The following ACSL1 variants were observed in gnomAD, a reference collection of about 807,000 sequenced individuals.
ACSL1 encodes long-chain-fatty-acid--CoA ligase 1.
ACSL1 carries 41 observed loss-of-function variants against 98.4 expected under a neutral mutation model. The ratio of observed to expected loss-of-function variants is 0.42; its 90% CI spans 0.32 to 0.54. ACSL1 has a LOEUF of 0.54. Ranked by LOEUF, ACSL1 falls within the 20% of genes least tolerant of loss-of-function variation. The pLI is 0.13. For synonymous variants in ACSL1, 316 were observed against 322.7 expected, an observed-to-expected ratio of 0.98 and a Z score of 0.22; for missense variants, 734 against 883.1, an observed-to-expected ratio of 0.83 and a Z score of 2.14.
At chr4:184,781,217 G>A (rs1459506130) in intron 4 of ACSL1, among the ~76,000 whole-genome samples, 4 of 116,110 alleles carry the variant, frequency 3.4e-5, no homozygotes, top group South Asian at 3.0e-4. Flanking sequence ...GGTGACAGGC[G>A]AGACTCCATC....
chr4:184,757,246 T>G lies in ACSL1; in HGVS notation c.1976A>C (p.His659Pro). ...PFEQVKGITL[H>P]PELFSIDNGL... ...ATTGTCGATAGAAAATAATTCAGGG[T>G]GCAATGTGATGCCTTTGACCTGCCA... The change falls in exon 21 of 21, where the codon CAC becomes CCC. Residue 659 changes from histidine to proline, a missense_variant. Physicochemically the swap from His to Pro is moderately conservative, Grantham distance 77. Coordinates refer to ENST00000281455, the MANE Select transcript of ACSL1 (RefSeq NM_001995.5). The surrounding 1 kb of genome is among the most constrained non-coding windows in gnomAD (Gnocchi z 4.5). The G allele has an allele frequency of 6.2e-7, 1 of 1,600,206 alleles. No individual in the cohort carries two copies. The highest frequency in any genetic ancestry group is 8.6e-7 in the Non-Finnish European group (1 of 1,168,996).
chr4:184,812,022 G>A (rs887605421), intron 1 of ACSL1: 9 of 268,428 alleles, frequency 3.4e-5, no homozygotes, highest in Non-Finnish European at 5.2e-5. Flanking sequence ...TCATGTGGGA[G>A]GAGGCGGCGG....
rs1763112670 is a variant in ACSL1 at position 184,763,258 on chromosome 4, G to A, written c.1433-3C>T. ...CGGCATCGGGGCCCCAACATGGCCT[G>A]TATATTAAATAAGCAAATGGTCATT... On this transcript the variant is annotated splice_region_variant and splice_polypyrimidine_tract_variant and intron_variant, in intron 15 of 20. Coordinates refer to ENST00000281455, the MANE Select transcript of ACSL1 (RefSeq NM_001995.5). The A allele has an allele frequency of 1.9e-6, 3 of 1,605,008 alleles. No homozygotes were observed. Among genetic ancestry groups the A allele is most frequent in the South Asian group, 2.2e-5 (2 of 90,796 alleles).
In ACSL1 at chr4:184,769,137, A is replaced by T. The variant is rs187373432; in HGVS notation, c.994-687T>A. ...ACATTTAATTTATTCTCAAAATAAAAACTTAACTTCTTGCCTAGAGTCCAA... is the reference window on the plus strand; with the variant it reads ...ACATTTAATTTATTCTCAAAATAAATACTTAACTTCTTGCCTAGAGTCCAA... On this transcript the variant is annotated intron_variant, in intron 11 of 20. Coordinates refer to ENST00000281455, the MANE Select transcript of ACSL1 (RefSeq NM_001995.5). 4.4e-3 allele frequency among the ~76,000 whole-genome samples: 669 copies of T among 151,980 alleles called. 1 individual carries two copies. The highest frequency in any genetic ancestry group is 7.3e-3 in the Non-Finnish European group (497 of 67,966).
chr4:184,775,177 C>T (rs1286096209), intron 7 of ACSL1, among the ~76,000 whole-genome samples: 1 of 152,142 alleles, frequency 6.6e-6, no homozygotes, highest in African/African-American at 2.4e-5. Flanking sequence ...GAGATGGAGT[C>T]TCGCTCTGTC....
intron 4 of ACSL1, among the ~76,000 whole-genome samples, chr4:184,781,553 T>A (rs1766274516): frequency 1.3e-5 from 2 of 152,190 alleles, no homozygotes; most frequent in South Asian, 2.1e-4. Context: ...CTAAAATTTT[T>A]AAAAAATCTT....
Position 184,764,914 on chromosome 4 carries a change from T to C in ACSL1, c.1371A>G (p.Gly457=). The C allele has an allele frequency of 6.2e-7, 1 of 1,613,912 alleles. No homozygotes were observed. The highest frequency in any genetic ancestry group is 8.5e-7 in the Non-Finnish European group (1 of 1,179,926). Reference sequence around the variant, plus strand: ...CGGCAGTGCACTCTGTCTGTCCGTATCCTTCATAAAACTGGGGCACCAAGA... The same window carrying C: ...CGGCAGTGCACTCTGTCTGTCCGTACCCTTCATAAAACTGGGGCACCAAGA... ...RAALGCQFYE[G]YGQTECTAGC... The change falls in exon 15 of 21, where the codon GGA becomes GGG. Residue 457 remains glycine (G), a synonymous_variant. Coordinates refer to ENST00000281455, the MANE Select transcript of ACSL1 (RefSeq NM_001995.5).
intron 3 of ACSL1, among the ~76,000 whole-genome samples, chr4:184,787,938 C>T (rs1306103420): frequency 6.6e-6 from 1 of 151,920 alleles, no homozygotes; most frequent in African/African-American, 2.4e-5. Context: ...GAGGCTGAGG[C>T]AGGAGACTCA....
chr4:184,799,853 TA>T (rs1770160934), intron 2 of ACSL1, among the ~76,000 whole-genome samples: 1 of 152,004 alleles, frequency 6.6e-6, no homozygotes, highest in African/African-American at 2.4e-5. Context: ...TGTCTCTAAA[TA>T]AATAAACAAA....
At chr4:184,790,525 A>G (rs1768169074) in intron 2 of ACSL1, among the ~76,000 whole-genome samples, 1 of 152,248 alleles carries the variant, frequency 6.6e-6, no homozygotes, top group Admixed American at 6.5e-5. Flanking sequence ...CTCTCGGCAG[A>G]AACTTTCTAA....
At chr4:184,806,764 A>T (rs896689344) in intron 1 of ACSL1, among the ~76,000 whole-genome samples, 1 of 152,226 alleles carries the variant, frequency 6.6e-6, no homozygotes, top group African/African-American at 2.4e-5. Flanking sequence ...CTATAATACT[A>T]AGGGTTTGAA....
At chr4:184,810,840 C>T (rs531652313) in intron 1 of ACSL1, among the ~76,000 whole-genome samples, 25 of 152,258 alleles carry the variant, frequency 1.6e-4, no homozygotes, top group South Asian at 4.1e-4. Flanking sequence ...TGCTGTGCTA[C>T]GGGACTGCGC....
At chr4:184,764,203 C>G (rs62338195) in intron 15 of ACSL1, among the ~76,000 whole-genome samples, 1 of 152,164 alleles carries the variant, frequency 6.6e-6, no homozygotes, top group Non-Finnish European at 1.5e-5. Context: ...CATAATGCCG[C>G]GTAAATTCTC....
chr4:184,762,822 G>A (rs1394932790), intron 16 of ACSL1, among the ~76,000 whole-genome samples: 1 of 152,226 alleles, frequency 6.6e-6, no homozygotes, highest in Non-Finnish European at 1.5e-5. Context: ...AAGTAATTAG[G>A]CTTCCCATCC....
At chr4:184,781,131 G>A (rs1439964394) in intron 4 of ACSL1, among the ~76,000 whole-genome samples, 1 of 150,798 alleles carries the variant, frequency 6.6e-6, no homozygotes. Flanking sequence ...CTACTCAGGA[G>A]GCTGAGGCAG....
At chr4:184,821,323 T>C in intron 1 of ACSL1, 1 of 298,572 alleles carries the variant, frequency 3.3e-6, no homozygotes, top group East Asian at 9.1e-5. Context: ...CAGTCCTTCT[T>C]ATATGGACAT....
At chr4:184,785,766 T>G (rs181263648) in intron 3 of ACSL1, among the ~76,000 whole-genome samples, 4 of 152,320 alleles carry the variant, frequency 2.6e-5, no homozygotes, top group Middle Eastern at 3.4e-3. Context: ...AGAAAAGTTA[T>G]GTGACTTGTC....
chr4:184,762,088 T>C (rs934916206), intron 17 of ACSL1, among the ~76,000 whole-genome samples: 6 of 151,516 alleles, frequency 4.0e-5, no homozygotes, highest in Non-Finnish European at 8.8e-5. Flanking sequence ...GATCACGCCA[T>C]TGCACTCCAG....
In ACSL1 at chr4:184,766,249, T is replaced by C. The variant is rs1353810963; in HGVS notation, c.1264-263A>G. 6.6e-6 allele frequency among the ~76,000 whole-genome samples: 1 copy of C among 152,174 alleles called. No homozygotes were observed. Among genetic ancestry groups the C allele is most frequent in the African/African-American group, 2.4e-5 (1 of 41,444 alleles). On this transcript the variant is annotated intron_variant, in intron 13 of 20. Coordinates refer to ENST00000281455, the MANE Select transcript of ACSL1 (RefSeq NM_001995.5). This position sits in a 1 kb window ranked among gnomAD's most constrained non-coding sequence, Gnocchi z 4.8. Reference sequence around the variant, plus strand: ...CTATTTCAGGGAATTAGAACACAACTGGGCAGATCTGTGGCAACTACCACA... The same window carrying C: ...CTATTTCAGGGAATTAGAACACAACCGGGCAGATCTGTGGCAACTACCACA...
Sources: allele counts gnomAD v4.1 joint callset (sites outside exome capture counted in the v4.1 genomes callset), GRCh38; gene constraint gnomAD v4.1.1; non-coding constraint Gnocchi (gnomAD v3.1); transcripts MANE v1.5; gene names NCBI Gene and HGNC (gene_info 2026-07-23, HGNC 2026-07-21).